Variants in GRM8 observed in about 807,000 individuals in gnomAD.
The protein encoded by GRM8 is glutamate metabotropic receptor 8.
A neutral mutation model predicts 87.2 loss-of-function variants in GRM8; 47 were observed. That is an observed-to-expected ratio of 0.54 (90% CI 0.43 to 0.69). The LOEUF (loss-of-function observed/expected upper bound fraction) is 0.69, where lower values mean the gene tolerates loss of function less well. Ranked by LOEUF, GRM8 falls within the 30% of genes least tolerant of loss-of-function variation. The pLI is 0.00. For synonymous variants in GRM8, 396 were observed against 404.5 expected (o/e 0.98, Z 0.25); for missense variants, 1,019 against 1,139.2 (o/e 0.89, Z 1.52).
At chr7:127,106,129 T>G (rs976416182) in intron 3 of GRM8, among the ~76,000 whole-genome samples, 1 of 152,262 alleles carries the variant, frequency 6.6e-6, no homozygotes, top group African/African-American at 2.4e-5. Flanking sequence ...TCCACTGACT[T>G]TTTTTAAATT....
intron 2 of GRM8, among the ~76,000 whole-genome samples, chr7:127,214,639 C>CTT (rs754532238): frequency 2.8e-4 from 43 of 152,074 alleles, no homozygotes; most frequent in Non-Finnish European, 5.9e-5. Flanking sequence ...AAGTGCCGCA[C>CTT]TTTTAAACAT....
At chr7:126,481,553 C>A (rs534320819) in intron 9 of GRM8, among the ~76,000 whole-genome samples, 1 of 151,994 alleles carries the variant, frequency 6.6e-6, no homozygotes, top group Non-Finnish European at 1.5e-5. Context: ...ATCTTCCCAA[C>A]AGTATATACA....
intron 7 of GRM8, among the ~76,000 whole-genome samples, chr7:126,657,851 G>T (rs942371496): frequency 6.6e-6 from 1 of 152,252 alleles, no homozygotes; most frequent in Non-Finnish European, 1.5e-5. Context: ...GATTTAAAGC[G>T]TGCAGGAAAG....
At position 126,465,004 on chromosome 7, in the gene GRM8, GATT is replaced by G. The variant is rs533650587; in HGVS notation, c.2431-18635_2431-18633del. On this transcript the variant is annotated intron_variant, in intron 9 of 10. Coordinates refer to ENST00000339582, the MANE Select transcript of GRM8 (RefSeq NM_000845.3). The stretch of plus-strand genomic sequence containing the variant: ...AATACCGGTAAGTTTTGCACTTTCA[GATT>G]ATTTTTTCCTTACTCTCCTAGCATA... Among the ~76,000 whole-genome samples the G allele has an allele frequency of 7.3e-5, 11 of 151,666 alleles. No homozygotes were observed. In the East Asian group the frequency reaches 2.1e-3, roughly 30 times the overall value.
intron 7 of GRM8, among the ~76,000 whole-genome samples, chr7:126,666,342 C>T (rs1299037351): frequency 6.6e-6 from 1 of 152,078 alleles, no homozygotes; most frequent in African/African-American, 2.4e-5. Context: ...CCAAAATTAT[C>T]TCATCAGACT....
intron 3 of GRM8, among the ~76,000 whole-genome samples, chr7:127,086,087 G>A (rs1823449759): frequency 6.6e-6 from 1 of 152,016 alleles, no homozygotes; most frequent in Non-Finnish European, 1.5e-5. Flanking sequence ...CAAAGTTTTT[G>A]GTTTGTTTTT....
At chr7:126,659,929 A>G (rs1389527836) in intron 7 of GRM8, among the ~76,000 whole-genome samples, 4 of 152,162 alleles carry the variant, frequency 2.6e-5, no homozygotes, top group African/African-American at 9.7e-5. Context: ...AAGCTTTTTA[A>G]AAGACCTCTT....
intron 3 of GRM8, among the ~76,000 whole-genome samples, chr7:127,093,010 A>G (rs780516199): frequency 2.8e-4 from 42 of 152,306 alleles, no homozygotes; most frequent in African/African-American, 9.4e-4. Flanking sequence ...GTTCTTTCTT[A>G]TTCAAATGTG....
chr7:126,739,047 C>T (rs1039843926), intron 7 of GRM8, among the ~76,000 whole-genome samples: 1 of 151,852 alleles, frequency 6.6e-6, no homozygotes, highest in Admixed American at 6.6e-5. Context: ...GAGAAGGAAC[C>T]AGATTCCAGA....
chr7:126,734,786 G>A (rs73720749), intron 7 of GRM8, among the ~76,000 whole-genome samples: 3,559 of 152,058 alleles, frequency 0.023, 143 homozygotes, highest in African/African-American at 0.081. Flanking sequence ...CTGTGAACAA[G>A]ATATAATAGT....
chr7:126,901,142 A>AT lies in GRM8; in HGVS notation c.1156+1399dup, dbSNP rs933241235. ...ACTCTTGCTCCAACCTCCCTGAACT[A>AT]TTTTTTTTTTCCTTTACTTTGAACA... On this transcript the variant is annotated intron_variant, in intron 6 of 10. Coordinates refer to ENST00000339582, the MANE Select transcript of GRM8 (RefSeq NM_000845.3). 4.6e-4 allele frequency among the ~76,000 whole-genome samples: 68 copies of AT among 148,554 alleles called. No homozygotes were observed. In the East Asian group the frequency reaches 6.7e-3, roughly 15 times the overall value.
At chr7:127,142,407 G>A (rs958138248) in intron 2 of GRM8, among the ~76,000 whole-genome samples, 1 of 152,092 alleles carries the variant, frequency 6.6e-6, no homozygotes, top group Non-Finnish European at 1.5e-5. Context: ...AAGTCCCAAC[G>A]ACACAAGCCA....
At chr7:126,908,989 C>T (rs1382722744) in intron 3 of GRM8, among the ~76,000 whole-genome samples, 1 of 152,210 alleles carries the variant, frequency 6.6e-6, no homozygotes, top group Non-Finnish European at 1.5e-5. Flanking sequence ...TTCACACTTT[C>T]TTTCTTCATA....
chr7:126,918,798 C>T (rs540133879), intron 3 of GRM8, among the ~76,000 whole-genome samples: 1 of 152,250 alleles, frequency 6.6e-6, no homozygotes, highest in Non-Finnish European at 1.5e-5. Context: ...TGTTTTATAA[C>T]ATTCTGCATT....
intron 1 of GRM8, chr7:127,250,949 C>T (rs535756182): frequency 1.3e-5 from 2 of 152,314 alleles, no homozygotes; most frequent in African/African-American, 4.8e-5. Flanking sequence ...TCTCCACCAC[C>T]AACCCTGTTT....
intron 9 of GRM8, among the ~76,000 whole-genome samples, chr7:126,526,066 T>C (rs1018053395): frequency 6.6e-5 from 10 of 152,152 alleles, no homozygotes; most frequent in African/African-American, 2.2e-4. Context: ...AAAAAATATA[T>C]ATATATGTGG....
intron 9 of GRM8, among the ~76,000 whole-genome samples, chr7:126,465,491 G>A (rs1426251480): frequency 6.6e-6 from 1 of 151,580 alleles, no homozygotes; most frequent in Non-Finnish European, 1.5e-5. Context: ...ATTTACTTAA[G>A]TCCTCTTTAA....
chr7:126,966,579 AT>A (rs372017935), intron 3 of GRM8, among the ~76,000 whole-genome samples: 70 of 152,328 alleles, frequency 4.6e-4, no homozygotes, highest in African/African-American at 1.6e-3. Context: ...AGAAATATAT[AT>A]AAAGTGATAT....
rs1221642559 is a variant in GRM8 at position 126,533,015 on chromosome 7, G to T, written c.2367C>A (p.Thr789=). Residue 789 remains threonine, a synonymous_variant, in exon 9 of 11, where the codon ACC becomes ACA. Coordinates refer to ENST00000339582, the MANE Select transcript of GRM8 (RefSeq NM_000845.3). ...TGAAAGCTAACCAAATGATGCAGGTGGTATACATGGTAAATCCAATAGGTT... is the reference window on the plus strand; with the variant it reads ...TGAAAGCTAACCAAATGATGCAGGTTGTATACATGGTAAATCCAATAGGTT... ...EAKPIGFTMY[T]TCIIWLAFIP... The T allele has an allele frequency of 6.2e-7, 1 of 1,613,360 alleles. No homozygotes were observed. The highest frequency in any genetic ancestry group is 8.5e-7 in the Non-Finnish European group (1 of 1,179,728).
Sources: gnomAD v4.1 joint callset for allele counts (sites outside exome capture counted in the v4.1 genomes callset) on GRCh38, gnomAD v4.1.1 for gene constraint, MANE v1.5 for transcripts, NCBI Gene and HGNC (gene_info 2026-07-23, HGNC 2026-07-21) for gene names.